Variants in NLGN1 observed in about 807,000 individuals in gnomAD.
NLGN1 encodes the protein neuroligin 1, also known as neuroligin-1.
In NLGN1, 12 loss-of-function variants were observed where a neutral mutation model predicts 65.5. That is an observed-to-expected ratio of 0.18 (90% CI 0.12 to 0.30). NLGN1 has a LOEUF of 0.30. NLGN1 is among the 10% of genes least tolerant of loss of function. The pLI, the probability that NLGN1 is intolerant of heterozygous loss-of-function variation, is 1.00. For missense variants in NLGN1, 750 were observed against 1,007.1 expected (o/e 0.74, Z 3.46); for synonymous variants, 350 against 359.5 (o/e 0.97, Z 0.30).
chr3:173,584,173 T>C (rs1223737917), intron 2 of NLGN1, among the ~76,000 whole-genome samples: 1 of 151,076 alleles, frequency 6.6e-6, no homozygotes, highest in Non-Finnish European at 1.5e-5. Flanking sequence ...AGTAGTCATA[T>C]ACTATTCATG....
At chr3:174,240,184 G>T (rs1260547654) in intron 4 of NLGN1, among the ~76,000 whole-genome samples, 3 of 151,932 alleles carry the variant, frequency 2.0e-5, no homozygotes, top group African/African-American at 7.2e-5. Context: ...ATAAAGAGTG[G>T]AATCAATACA....
chr3:173,975,029 C>G (rs565240593), intron 4 of NLGN1, among the ~76,000 whole-genome samples: 1 of 152,118 alleles, frequency 6.6e-6, no homozygotes, highest in African/African-American at 2.4e-5. Context: ...AGTCTAGAGA[C>G]AGAGAGAAGA....
intron 4 of NLGN1, among the ~76,000 whole-genome samples, chr3:174,148,748 C>A (rs1324979642): frequency 2.0e-5 from 3 of 151,998 alleles, no homozygotes; most frequent in African/African-American, 4.8e-5. Context: ...TGTGTGATTT[C>A]TTTCCTTCAT....
At chr3:173,878,454 T>A (rs140943489) in intron 4 of NLGN1, among the ~76,000 whole-genome samples, 218 of 152,212 alleles carry the variant, frequency 1.4e-3, no homozygotes, top group African/African-American at 5.0e-3. Context: ...ATGAAAAAAT[T>A]TAATTCCTTG....
At chr3:174,256,651 T>C (rs1360783803) in intron 4 of NLGN1, among the ~76,000 whole-genome samples, 1 of 152,162 alleles carries the variant, frequency 6.6e-6, no homozygotes, top group Non-Finnish European at 1.5e-5. Context: ...TTTATGCCTC[T>C]TTTTTGGAAA....
At chr3:173,974,970 T>C (rs1386093435) in intron 4 of NLGN1, among the ~76,000 whole-genome samples, 1 of 152,050 alleles carries the variant, frequency 6.6e-6, no homozygotes, top group East Asian at 1.9e-4. Flanking sequence ...TGAATATTTA[T>C]TATTACATTC....
At chr3:173,807,528 A>G in intron 3 of NLGN1, 152 bp from the exon 4 acceptor site, 1 of 780,766 alleles carries the variant, frequency 1.3e-6, no homozygotes. Flanking sequence ...AGCTATTCAT[A>G]TGAGTTGCTT....
rs559051067 is a variant in NLGN1 at position 173,518,872 on chromosome 3, A to G, written c.-321+83794A>G. On this transcript the variant is annotated intron_variant, in intron 2 of 6. Transcript: ENST00000457714. ...CTAAAAGGAAGGCAAATGCTTACAC[A>G]ATGGGGGAAAGGCCTCGATGGCATT... Among the ~76,000 whole-genome samples, 3 of 152,270 alleles carry G rather than the reference A, an allele frequency of 2.0e-5. 1 individual carries two copies. Among genetic ancestry groups the G allele is most frequent in the South Asian group, 4.1e-4 (2 of 4,824 alleles).
intron 4 of NLGN1, among the ~76,000 whole-genome samples, chr3:174,270,861 A>G (rs1749267775): frequency 6.6e-6 from 1 of 151,836 alleles, no homozygotes; most frequent in African/African-American, 2.4e-5. Context: ...TTATTTCCAC[A>G]GTTTTAAATC....
chr3:173,956,521 A>C (rs1030095172), intron 4 of NLGN1, among the ~76,000 whole-genome samples: 12 of 152,152 alleles, frequency 7.9e-5, no homozygotes, highest in Non-Finnish European at 1.3e-4. Flanking sequence ...AAATTTAATT[A>C]TATTTTATGA....
intron 3 of NLGN1, among the ~76,000 whole-genome samples, chr3:173,607,858 C>G (rs1462427857): frequency 4.0e-5 from 6 of 151,410 alleles, no homozygotes; most frequent in Non-Finnish European, 5.9e-5. Flanking sequence ...TGCCTTTTAT[C>G]TAGATGCCAT....
intron 2 of NLGN1, among the ~76,000 whole-genome samples, chr3:173,497,432 A>G (rs1181303791): frequency 1.3e-5 from 2 of 151,622 alleles, no homozygotes; most frequent in South Asian, 2.1e-4. Flanking sequence ...TCTTATTTAT[A>G]TCTTCTCTTA....
chr3:174,060,525 C>A (rs1737163109), intron 4 of NLGN1, among the ~76,000 whole-genome samples: 1 of 152,056 alleles, frequency 6.6e-6, no homozygotes, highest in African/African-American at 2.4e-5. Flanking sequence ...AGCAAATATT[C>A]ATTTTCTTGA....
chr3:173,810,135 A>G (rs939881484), intron 4 of NLGN1, among the ~76,000 whole-genome samples: 1 of 152,218 alleles, frequency 6.6e-6, no homozygotes, highest in African/African-American at 2.4e-5. Context: ...TTCCAAAAAT[A>G]TGTGTTGGGT....
chr3:173,532,791 C>G lies in NLGN1; in HGVS notation c.-320-71488C>G, dbSNP rs114524004. On this transcript the variant is annotated intron_variant, in intron 2 of 6. Coordinates refer to ENST00000457714, the Ensembl canonical transcript of NLGN1. ...TATGCCACAGTCATAATCACAAAAC[C>G]TTAGTGACTCACAAGTACAAATACT... Among the ~76,000 whole-genome samples, 208 of 152,224 alleles carry G rather than the reference C, an allele frequency of 1.4e-3. 3 individuals are homozygous for G. Among genetic ancestry groups the G allele is most frequent in the African/African-American group, 4.8e-3 (200 of 41,556 alleles).
At chr3:174,105,719 A>G (rs1355858714) in intron 4 of NLGN1, among the ~76,000 whole-genome samples, 1 of 151,946 alleles carries the variant, frequency 6.6e-6, no homozygotes, top group African/African-American at 2.4e-5. Flanking sequence ...ATATCTAGAT[A>G]TATATATATC....
chr3:173,463,703 T>A (rs28508325), intron 2 of NLGN1, among the ~76,000 whole-genome samples: 2,018 of 152,202 alleles, frequency 0.013, 51 homozygotes, highest in African/African-American at 0.046. Context: ...GTGGGTGGAT[T>A]GTCTTCTAAT....
At chr3:173,997,318 TCAAA>T (rs1208782239) in intron 4 of NLGN1, among the ~76,000 whole-genome samples, 1 of 152,152 alleles carries the variant, frequency 6.6e-6, no homozygotes, top group Non-Finnish European at 1.5e-5. Flanking sequence ...AGATAATTTA[TCAAA>T]CAGAGGAGGC....
At chr3:174,006,801 G>A (rs1190423555) in intron 4 of NLGN1, among the ~76,000 whole-genome samples, 6 of 152,128 alleles carry the variant, frequency 3.9e-5, no homozygotes, top group African/African-American at 1.4e-4. Context: ...AGGCATGGGG[G>A]CTCCTGCTTG....
Sources: gnomAD v4.1 joint callset for allele counts (sites outside exome capture counted in the v4.1 genomes callset) on GRCh38, gnomAD v4.1.1 for gene constraint, MANE v1.5 for transcripts, NCBI Gene and HGNC (gene_info 2026-07-23, HGNC 2026-07-21) for gene names.